SLC8A1: variants seen among roughly 807,000 people sequenced by gnomAD.
The protein encoded by SLC8A1 is solute carrier family 8 member A1.
SLC8A1 carries 18 observed loss-of-function variants against 68.3 expected under a neutral mutation model. The ratio of observed to expected loss-of-function variants is 0.26; its 90% confidence interval spans 0.18 to 0.39. The LOEUF is 0.39. SLC8A1 is among the 10% of genes least tolerant of loss of function. The pLI is 1.00. For synonymous variants in SLC8A1, 475 were observed against 415.5 expected (o/e 1.14, Z -1.74); for missense variants, 985 against 1,156.7 (o/e 0.85, Z 2.15).
intron 1 of SLC8A1, among the ~76,000 whole-genome samples, chr2:40,493,185 G>A (rs1705435422): frequency 6.6e-6 from 1 of 152,072 alleles, no homozygotes; most frequent in Non-Finnish European, 1.5e-5. Context: ...ATGAGTTCCT[G>A]TCCTTCGTAG....
At chr2:40,364,499 A>C (rs1400590769) in intron 2 of SLC8A1, among the ~76,000 whole-genome samples, 1 of 89,196 alleles carries the variant, frequency 1.1e-5, no homozygotes, top group Non-Finnish European at 2.1e-5. Flanking sequence ...CAATCTAATA[A>C]AATTGAATCC....
chr2:40,504,273 G>C (rs1031178288), intron 1 of SLC8A1, among the ~76,000 whole-genome samples: 3 of 151,932 alleles, frequency 2.0e-5, no homozygotes, highest in Admixed American at 2.0e-4. Flanking sequence ...GAATGAAACT[G>C]GACCTCTGTC....
At chr2:40,301,210 C>G (rs2071397067) in intron 2 of SLC8A1, among the ~76,000 whole-genome samples, 1 of 152,110 alleles carries the variant, frequency 6.6e-6, no homozygotes, top group Non-Finnish European at 1.5e-5. Flanking sequence ...GCTAAGTGCT[C>G]TATATGTATT....
chr2:40,494,683 A>ATC (rs1553625471), intron 1 of SLC8A1, among the ~76,000 whole-genome samples: 14 of 116,158 alleles, frequency 1.2e-4, no homozygotes, highest in South Asian at 5.5e-4. Context: ...ATATATATAT[A>ATC]TCCAAATGGA....
chr2:40,388,332 T>G (rs1040870747), intron 2 of SLC8A1, among the ~76,000 whole-genome samples: 3 of 152,194 alleles, frequency 2.0e-5, no homozygotes, highest in African/African-American at 7.2e-5. Context: ...TAGTTGTTGT[T>G]GCATAATGAG....
chr2:40,453,769 T>A (rs557866412), upstream of SLC8A1, among the ~76,000 whole-genome samples: 1 of 152,298 alleles, frequency 6.6e-6, no homozygotes, highest in East Asian at 1.9e-4. Flanking sequence ...AGATTCTTTT[T>A]CAATAGACCT....
intron 5 of SLC8A1, 103 bp downstream of exon 8, chr2:40,164,751 T>A (rs372908743): frequency 1.4e-6 from 2 of 1,426,224 alleles, no homozygotes; most frequent in East Asian, 2.3e-5. Context: ...TGAAATTACA[T>A]CTACTACTCT....
intron 2 of SLC8A1, among the ~76,000 whole-genome samples, chr2:40,233,869 C>G (rs2060009151): frequency 6.6e-6 from 1 of 151,498 alleles, no homozygotes; most frequent in South Asian, 2.1e-4. Context: ...TTCCCCATTG[C>G]TTGTTTTTCT....
intron 4 of SLC8A1, 57 bp downstream of exon 7, chr2:40,170,224 T>C (rs369141919): frequency 6.8e-7 from 1 of 1,461,968 alleles, no homozygotes; most frequent in South Asian, 1.1e-5. Context: ...GTAATGTCTC[T>C]AACATTAAAG....
At chr2:40,242,147 CGTGT>C (rs957918477) in intron 2 of SLC8A1, among the ~76,000 whole-genome samples, 3 of 150,088 alleles carry the variant, frequency 2.0e-5, no homozygotes, top group Non-Finnish European at 3.0e-5. Flanking sequence ...TGTGTGTGTG[CGTGT>C]GTGTGTGTGA....
chr2:40,117,361 A>G (rs1314460003), intron 7 of SLC8A1, among the ~76,000 whole-genome samples: 1 of 146,366 alleles, frequency 6.8e-6, no homozygotes, highest in Non-Finnish European at 1.5e-5. Context: ...TTTGGCCAAC[A>G]TGGTGAAACC....
chr2:40,330,316 G>A (rs765190146), intron 2 of SLC8A1, among the ~76,000 whole-genome samples: 1 of 152,060 alleles, frequency 6.6e-6, no homozygotes, highest in East Asian at 1.9e-4. Flanking sequence ...TGTCATCAAG[G>A]CCAGTCCTTC....
chr2:40,151,448 T>G (rs951291074), intron 6 of SLC8A1, among the ~76,000 whole-genome samples: 1 of 152,218 alleles, frequency 6.6e-6, no homozygotes, highest in Non-Finnish European at 1.5e-5. Flanking sequence ...CCAAGCACTG[T>G]CTTAGGTGTT....
chr2:40,105,848 C>T (rs1207593861), exon 8 of SLC8A1: 1 of 152,240 alleles, frequency 6.6e-6, no homozygotes, highest in African/African-American at 2.4e-5. Context: ...TTGGTCCCAC[C>T]TACTTTGCCT....
At chr2:40,207,828 T>C (rs2055769139) in intron 2 of SLC8A1, among the ~76,000 whole-genome samples, 1 of 152,130 alleles carries the variant, frequency 6.6e-6, no homozygotes, top group Non-Finnish European at 1.5e-5. Context: ...TCTAGAGTGT[T>C]ACCCTTTGGG....
chr2:40,357,599 G>A (rs1354620472), intron 2 of SLC8A1, among the ~76,000 whole-genome samples: 1 of 151,798 alleles, frequency 6.6e-6, no homozygotes, highest in Non-Finnish European at 1.5e-5. Context: ...ACGACAGGTT[G>A]AAGGGAGCAG....
intron 2 of SLC8A1, among the ~76,000 whole-genome samples, chr2:40,256,498 G>C (rs1425355693): frequency 3.9e-5 from 6 of 152,184 alleles, no homozygotes; most frequent in Non-Finnish European, 8.8e-5. Flanking sequence ...TGCATAATGG[G>C]AGTGATTCTA....
chr2:40,504,399 C>CA (rs2149939819), intron 1 of SLC8A1, among the ~76,000 whole-genome samples: 1 of 152,082 alleles, frequency 6.6e-6, no homozygotes, highest in East Asian at 1.9e-4. Context: ...TTGGTCTGGG[C>CA]AAAGATTTCT....
At chr2:40,130,676 A>T (rs1234849790) in intron 7 of SLC8A1, among the ~76,000 whole-genome samples, 1 of 152,242 alleles carries the variant, frequency 6.6e-6, no homozygotes, top group Non-Finnish European at 1.5e-5. Flanking sequence ...AACTGACACC[A>T]TAGCCACTGG....
Sources: allele counts gnomAD v4.1 joint callset (sites outside exome capture counted in the v4.1 genomes callset), GRCh38; gene constraint gnomAD v4.1.1; transcripts MANE v1.5; gene names NCBI Gene and HGNC (gene_info 2026-07-23, HGNC 2026-07-21).